The following SLC6A9 variants were observed in gnomAD, a reference collection of about 807,000 sequenced individuals.
SLC6A9 encodes the protein sodium- and chloride-dependent glycine transporter 1.
Under a neutral mutation model 70.9 loss-of-function variants are expected in SLC6A9, and 31 were observed. The observed-to-expected ratio is 0.44, with a 90% CI of 0.33 to 0.59. The LOEUF (loss-of-function observed/expected upper bound fraction) is 0.59, where lower values mean the gene tolerates loss of function less well. SLC6A9 is among the 20% of genes least tolerant of loss of function. The probability of loss-of-function intolerance (pLI) is 0.04; values close to 1 mark genes in which losing one functional copy is unlikely to be tolerated. For synonymous variants in SLC6A9, 310 were observed against 341.3 expected, an observed-to-expected ratio of 0.91 and a Z score of 1.01; for missense variants, 631 against 845.2, an observed-to-expected ratio of 0.75 and a Z score of 3.14.
At chr1:44,004,983 T>C (rs1465114139) in intron 5 of SLC6A9, among the ~76,000 whole-genome samples, 1 of 152,200 alleles carries the variant, frequency 6.6e-6, no homozygotes, top group Non-Finnish European at 1.5e-5. Context: ...CCACAGGGGC[T>C]GTGGTTGTGC....
intron 2 of SLC6A9, chr1:44,011,560 C>G (rs2086571164): frequency 6.2e-7 from 1 of 1,613,464 alleles, no homozygotes; most frequent in African/African-American, 1.3e-5. Context: ...GGGGAGCTGA[C>G]CTGGGCCATG....
intron 5 of SLC6A9, among the ~76,000 whole-genome samples, 190 bp downstream of exon 5, chr1:44,008,163 C>T (rs1428841678): frequency 6.6e-6 from 1 of 152,146 alleles, no homozygotes; most frequent in East Asian, 1.9e-4. Context: ...CCACCGTGCC[C>T]GGCCTCCATC....
intron 4 of SLC6A9, 51 bp downstream of exon 4, chr1:44,009,914 G>C (rs1766967): frequency 6.3e-7 from 1 of 1,594,948 alleles, no homozygotes; most frequent in African/African-American, 1.3e-5. Flanking sequence ...GGCCCTCAGA[G>C]GCCGTTGTGT....
In SLC6A9 at chr1:43,997,645, G is replaced by A; in HGVS notation, c.1802C>T (p.Pro601Leu). The stretch of plus-strand genomic sequence containing the variant: ...TGGCTGGACCTCGAAGCCGTCCTCA[G>A]GAGAGGGGGCTATGGTGGGGGCGTA... ...GRYAPTIAPSPEDGFEVQPLH... is the reference protein window; with the variant it reads ...GRYAPTIAPSLEDGFEVQPLH... Residue 601 changes from proline (P) to leucine (L), a missense_variant, in exon 14 of 14, where the codon CCT (proline) becomes CTT (leucine). Coordinates refer to ENST00000372310, the MANE Select transcript of SLC6A9 (RefSeq NM_001024845.3). This position sits in a 1 kb window ranked among gnomAD's most constrained non-coding sequence, Gnocchi z 4.4. 1 of 1,614,084 alleles carries A rather than the reference G, an allele frequency of 6.2e-7. No homozygotes were observed. Among genetic ancestry groups the A allele is most frequent in the East Asian group, 2.2e-5 (1 of 44,880 alleles).
chr1:44,016,972 C>T lies in SLC6A9; in HGVS notation c.31-6090G>A, dbSNP rs1467651914. 19 of 1,453,708 alleles carry T rather than the reference C, an allele frequency of 1.3e-5. No homozygotes were observed. The Admixed American group carries it at 3.9e-4, about 30-fold the overall frequency. 90.1% of individuals were successfully genotyped at this position (1,453,708 alleles called of 1,614,324 possible). On this transcript the variant is annotated intron_variant, in intron 2 of 13. Coordinates refer to ENST00000372310, the MANE Select transcript of SLC6A9 (RefSeq NM_001024845.3). Reference sequence around the variant, plus strand: ...CCCTGGCACAGACCACTCAGCCCCTCTCCCCATCCGCAGCCCAGCCTCTCA... The same window carrying T: ...CCCTGGCACAGACCACTCAGCCCCTTTCCCCATCCGCAGCCCAGCCTCTCA...
chr1:44,009,707 G>A (rs1056070665), intron 4 of SLC6A9, among the ~76,000 whole-genome samples: 13 of 152,238 alleles, frequency 8.5e-5, no homozygotes, highest in Non-Finnish European at 1.5e-5. Context: ...GCCAGGTCAA[G>A]GTCTTGGTAG....
intron 12 of SLC6A9, 30 bp downstream of exon 12, chr1:44,000,737 G>T (rs374796374): frequency 1.4e-6 from 2 of 1,433,078 alleles, no homozygotes; most frequent in African/African-American, 2.9e-5. Flanking sequence ...GGGGCAGCGG[G>T]GGAAGGGAGG....
intron 5 of SLC6A9, among the ~76,000 whole-genome samples, chr1:44,004,383 T>C (rs1303640419): frequency 6.6e-6 from 1 of 152,138 alleles, no homozygotes; most frequent in Admixed American, 6.5e-5. Flanking sequence ...TCTTGCTCTA[T>C]AGCCCAGGCT....
intron 2 of SLC6A9, among the ~76,000 whole-genome samples, chr1:44,022,462 A>G (rs986964140): frequency 6.6e-6 from 1 of 151,998 alleles, no homozygotes; most frequent in Non-Finnish European, 1.5e-5. Flanking sequence ...AGGTCATAAG[A>G]TCTCCATCTG....
At position 44,002,928 on chromosome 1, in the gene SLC6A9, G is replaced by A; in HGVS notation, c.648C>T (p.Pro216=). ...AGGAGACACCGAGGCAGCCAAGGAGGGGCAGCCGCACCTCCCCAAAGTTCC... is the reference window on the plus strand; with the variant it reads ...AGGAGACACCGAGGCAGCCAAGGAGAGGCAGCCGCACCTCCCCAAAGTTCC... ...DIGNFGEVRL[P]LLGCLGVSWL... The change falls in exon 6 of 14, where the codon CCC becomes CCT. Residue 216 remains proline, a synonymous_variant. Transcript: ENST00000372310. This position sits in a 1 kb window ranked among gnomAD's most constrained non-coding sequence, Gnocchi z 5.5. 6.2e-7 allele frequency: 1 copy of A among 1,613,994 alleles called. No homozygotes were observed. Among genetic ancestry groups the A allele is most frequent in the Non-Finnish European group, 8.5e-7 (1 of 1,179,904 alleles).
intron 2 of SLC6A9, among the ~76,000 whole-genome samples, chr1:44,011,955 A>G (rs894047317): frequency 6.6e-6 from 1 of 152,212 alleles, no homozygotes; most frequent in African/African-American, 2.4e-5. Flanking sequence ...GAAATTAATC[A>G]GAGCCCAAGG....
Position 44,007,598 on chromosome 1 carries a change from A to G in SLC6A9, c.590+755T>C, listed in dbSNP as rs572221973. Among the ~76,000 whole-genome samples the G allele has an allele frequency of 1.6e-4, 24 of 152,314 alleles. No individual in the cohort carries two copies. In the South Asian group the frequency reaches 3.7e-3, roughly 24 times the overall value. ...CTTTTGTTCTGCATCATCAAGTCTAAGCCTAATCCTGGCAAGTTCTTTATG... is the reference window on the plus strand; with the variant it reads ...CTTTTGTTCTGCATCATCAAGTCTAGGCCTAATCCTGGCAAGTTCTTTATG... On this transcript the variant is annotated intron_variant, in intron 5 of 13. Coordinates refer to ENST00000372310, the MANE Select transcript of SLC6A9 (RefSeq NM_001024845.3).
intron 2 of SLC6A9, among the ~76,000 whole-genome samples, chr1:44,019,371 G>T (rs937517109): frequency 2.0e-4 from 31 of 152,352 alleles, no homozygotes; most frequent in Admixed American, 1.6e-3. Context: ...CTTGGCTCAA[G>T]CAAGTGTCCT....
intron 2 of SLC6A9, 66 bp downstream of exon 2, chr1:44,024,182 G>C (rs948763654): frequency 1.3e-6 from 2 of 1,518,942 alleles, no homozygotes; most frequent in Admixed American, 1.7e-5. Context: ...CAAGCAGCTG[G>C]CAGGAGGTCC....
chr1:44,006,748 G>T (rs2086332757), intron 5 of SLC6A9, among the ~76,000 whole-genome samples: 1 of 152,162 alleles, frequency 6.6e-6, no homozygotes, highest in Non-Finnish European at 1.5e-5. Context: ...ATGCCCCTCT[G>T]GGGGACAGCA....
intron 2 of SLC6A9, among the ~76,000 whole-genome samples, chr1:44,022,209 T>C (rs1352211403): frequency 6.6e-6 from 1 of 152,220 alleles, no homozygotes; most frequent in African/African-American, 2.4e-5. Context: ...CTGGGAGCCA[T>C]GCCCTCTGTG....
rs1259465553 is a variant in SLC6A9, at chr1:44,003,067, T to C, written c.591-82A>G. ...CCCAAGGCCCAGGGCCCACCCGGGCTGTACCCTCCTTTGTCATGAGGTCCC... is the reference window on the plus strand; with the variant it reads ...CCCAAGGCCCAGGGCCCACCCGGGCCGTACCCTCCTTTGTCATGAGGTCCC... On this transcript the variant is annotated intron_variant, in intron 5 of 13. Transcript: ENST00000372310. 4 of 1,521,138 alleles carry C rather than the reference T, an allele frequency of 2.6e-6. No individual in the cohort carries two copies. In the East Asian group the frequency reaches 9.0e-5, roughly 34 times the overall value. 94.2% of individuals were successfully genotyped at this position (1,521,138 alleles called of 1,614,324 possible). A position where few individuals can be genotyped will look rare whatever the true frequency, so the allele number is the denominator to read the frequency against.
At chr1:44,028,993 C>G (rs1256376686) in intron 1 of SLC6A9, among the ~76,000 whole-genome samples, 1 of 152,120 alleles carries the variant, frequency 6.6e-6, no homozygotes, top group Non-Finnish European at 1.5e-5. Context: ...CTGGTTTCTG[C>G]TGGTGCAGTG....
At position 44,001,212 on chromosome 1, in the gene SLC6A9, C is replaced by G. The variant is rs766256632; in HGVS notation, c.1287G>C (p.Leu429Phe). The G allele has an allele frequency of 1.2e-6, 2 of 1,614,122 alleles. No individual in the cohort carries two copies. The highest frequency in any genetic ancestry group is 1.3e-5 in the African/African-American group (1 of 74,942). Residue 429 changes from leucine to phenylalanine, a missense_variant, in exon 10 of 14, where the codon TTG becomes TTC. By Grantham distance (22) the Leu-to-Phe change is conservative (BLOSUM62 0). Transcript: ENST00000372310. Reference protein sequence around the residue: ...WILQKKTYVTLGVAVAGFLLG... With the variant: ...WILQKKTYVTFGVAVAGFLLG... ...GCAGGAAGCCAGCCACAGCCACGCC[C>G]AAGGTCACATAGGTCTTTTTCTGCA...
Sources: allele counts gnomAD v4.1 joint callset (sites outside exome capture counted in the v4.1 genomes callset), GRCh38; gene constraint gnomAD v4.1.1; non-coding constraint Gnocchi (gnomAD v3.1); transcripts MANE v1.5; gene names NCBI Gene and HGNC (gene_info 2026-07-23, HGNC 2026-07-21).